Variants in SAMD12 observed in about 807,000 individuals in gnomAD.
The protein encoded by SAMD12 is sterile alpha motif domain containing 12.
SAMD12 carries 9 observed loss-of-function variants against 15.0 expected under a neutral mutation model. The observed-to-expected ratio is 0.60, with a 90% CI of 0.36 to 1.05. SAMD12 has a LOEUF of 1.05. Ranked by LOEUF, SAMD12 falls within the 50% of genes least tolerant of loss-of-function variation. SAMD12 has a pLI of 0.01. For missense variants in SAMD12, 230 were observed against 234.2 expected (o/e 0.98, Z 0.12); for synonymous variants, 86 against 90.1 (o/e 0.96, Z 0.25).
chr8:118,137,710 T>A, the SAMD12 span, among the ~76,000 whole-genome samples: 1 of 152,278 alleles, frequency 6.6e-6, no homozygotes, highest in African/African-American at 2.4e-5. Context: ...AGAAGAATTG[T>A]CTTAGGCCAC....
chr8:118,439,685 G>C, intron 3 of SAMD12, 147 bp downstream of exon 3: 1 of 713,978 alleles, frequency 1.4e-6, no homozygotes, highest in Non-Finnish European at 2.4e-6. Flanking sequence ...GGCTCACATG[G>C]ATCTGGAATT....
At chr8:118,322,761 G>A (rs1816349176) in intron 4 of SAMD12, among the ~76,000 whole-genome samples, 1 of 152,148 alleles carries the variant, frequency 6.6e-6, no homozygotes, top group Non-Finnish European at 1.5e-5. Context: ...TAGCATTCAG[G>A]AGCCCCACTT....
intron 2 of SAMD12, among the ~76,000 whole-genome samples, chr8:118,573,468 T>C (rs573755083): frequency 3.3e-5 from 5 of 152,286 alleles, no homozygotes; most frequent in African/African-American, 1.2e-4. Context: ...GTGGGTCAAA[T>C]GGTATTTGTT....
At chr8:118,501,437 T>C (rs1563897186) in intron 2 of SAMD12, among the ~76,000 whole-genome samples, 1 of 152,234 alleles carries the variant, frequency 6.6e-6, no homozygotes, top group Non-Finnish European at 1.5e-5. Flanking sequence ...CACATATATA[T>C]ACAAATTTTG....
intron 2 of SAMD12, among the ~76,000 whole-genome samples, chr8:118,460,295 G>T (rs748183394): frequency 6.6e-5 from 10 of 152,266 alleles, no homozygotes; most frequent in Admixed American, 2.0e-4. Flanking sequence ...TGGAAGGAAG[G>T]TTCATTTATT....
intron 4 of SAMD12, among the ~76,000 whole-genome samples, chr8:118,349,312 C>A (rs1817833872): frequency 6.6e-6 from 1 of 152,184 alleles, no homozygotes; most frequent in East Asian, 1.9e-4. Flanking sequence ...GCTGTGTCAT[C>A]CTGGAAAATG....
chr8:118,400,963 G>C (rs933214151), intron 3 of SAMD12, among the ~76,000 whole-genome samples: 1 of 152,178 alleles, frequency 6.6e-6, no homozygotes, highest in South Asian at 2.1e-4. Context: ...TCCACATAAA[G>C]ATGTCAAATG....
chr8:118,414,313 T>G (rs370780939), intron 3 of SAMD12, among the ~76,000 whole-genome samples: 6 of 152,310 alleles, frequency 3.9e-5, no homozygotes, highest in Admixed American at 1.3e-4. Flanking sequence ...TTTCCTTCCA[T>G]GGATAATGGG....
In SAMD12 at chr8:118,439,900, C is replaced by T. The variant is rs1159129381; in HGVS notation, c.254G>A (p.Trp85Ter). The T allele has an allele frequency of 6.2e-7, 1 of 1,613,308 alleles. No individual in the cohort carries two copies. The highest frequency in any genetic ancestry group is 8.5e-7 in the Non-Finnish European group (1 of 1,179,398). ...ALWTQQDVCK[W>*]LKKHCPNQYQ... ...CTGATTCGGACAATGTTTCTTCAAC[C>T]ACTTGCAGACATCCTGCTGGGTCCA... is the stretch of plus-strand genomic sequence containing the variant. Residue 85 changes from tryptophan (W) to a stop codon, truncating the protein, a stop_gained, in exon 3 of 4, where the codon TGG (tryptophan) becomes TAG (stop). Transcript: ENST00000314727. LOFTEE classifies it high-confidence loss of function.
Position 118,474,783 on chromosome 8 carries a change from G to C in SAMD12, c.193-34822C>G, listed in dbSNP as rs187112724. 1.4e-4 allele frequency among the ~76,000 whole-genome samples: 21 copies of C among 152,160 alleles called. No individual in the cohort carries two copies. The East Asian group carries it at 3.3e-3, about 24-fold the overall frequency. On this transcript the variant is annotated intron_variant, in intron 2 of 3. Coordinates refer to ENST00000314727, the MANE Select transcript of SAMD12 (RefSeq NM_207506.3). ...TAAATTGCTGTAGTTTGGATATTTA[G>C]CACTCTAAACCTCTTGCTAAAATTT...
intron 2 of SAMD12, among the ~76,000 whole-genome samples, chr8:118,578,044 A>T (rs1334367559): frequency 1.3e-5 from 2 of 152,170 alleles, no homozygotes; most frequent in African/African-American, 2.4e-5. Context: ...CTGCTGCTCA[A>T]ATTGTGGAAA....
intron 4 of SAMD12, among the ~76,000 whole-genome samples, chr8:118,362,300 T>C (rs1818540285): frequency 6.6e-6 from 1 of 152,146 alleles, no homozygotes; most frequent in Admixed American, 6.6e-5. Flanking sequence ...ACAAAACAAA[T>C]ATCCAAGTGT....
intron 3 of SAMD12, among the ~76,000 whole-genome samples, chr8:118,402,306 A>C (rs1341836135): frequency 6.6e-6 from 1 of 152,234 alleles, no homozygotes; most frequent in Non-Finnish European, 1.5e-5. Context: ...GGTTTTGATA[A>C]AGTACAGAAA....
chr8:118,364,540 G>A (rs1052525210), intron 4 of SAMD12, among the ~76,000 whole-genome samples: 2 of 152,160 alleles, frequency 1.3e-5, no homozygotes, highest in Non-Finnish European at 2.9e-5. Context: ...TGAGTGCTGC[G>A]TGGAGTGCTG....
downstream of SAMD12, among the ~76,000 whole-genome samples, chr8:118,185,052 T>C (rs1224956851): frequency 6.6e-6 from 1 of 152,140 alleles, no homozygotes; most frequent in African/African-American, 2.4e-5. Flanking sequence ...CCTATGTGCT[T>C]GTATCATTGC....
At chr8:118,178,808 C>T in the SAMD12 span, among the ~76,000 whole-genome samples, 2 of 152,180 alleles carry the variant, frequency 1.3e-5, no homozygotes, top group African/African-American at 4.8e-5. Context: ...TTAATGCTAA[C>T]TGCCACAGCA....
At chr8:118,301,794 C>T (rs1275247428) in intron 4 of SAMD12, among the ~76,000 whole-genome samples, 2 of 152,194 alleles carry the variant, frequency 1.3e-5, no homozygotes, top group Non-Finnish European at 2.9e-5. Context: ...CATTTCTACA[C>T]TTCTCAGATG....
intron 2 of SAMD12, among the ~76,000 whole-genome samples, chr8:118,486,595 A>G (rs1304808431): frequency 6.6e-6 from 1 of 152,174 alleles, no homozygotes; most frequent in African/African-American, 2.4e-5. Flanking sequence ...TCCAGAAAGG[A>G]AAGTGGCCCT....
intron 4 of SAMD12, among the ~76,000 whole-genome samples, chr8:118,318,351 T>TATATACAC (rs1816051245): frequency 3.6e-5 from 3 of 83,750 alleles, no homozygotes; most frequent in African/African-American, 1.3e-4. Context: ...TATATATATA[T>TATATACAC]ATATACATAT....
Sources: gnomAD v4.1 joint callset for allele counts (sites outside exome capture counted in the v4.1 genomes callset) on GRCh38, gnomAD v4.1.1 for gene constraint, MANE v1.5 for transcripts, NCBI Gene and HGNC (gene_info 2026-07-23, HGNC 2026-07-21) for gene names.